The following SYNPO2 variants were observed in gnomAD, a reference collection of about 807,000 sequenced individuals.
SYNPO2 encodes the protein synaptopodin 2.
A neutral mutation model predicts 85.0 loss-of-function variants in SYNPO2; 56 were observed. The ratio of observed to expected loss-of-function variants is 0.66; its 90% CI spans 0.53 to 0.82. SYNPO2 has a LOEUF of 0.82. SYNPO2 is among the 40% of genes least tolerant of loss of function. SYNPO2 has a pLI of 0.00. For missense variants in SYNPO2, 1,575 were observed against 1,534.2 expected (o/e 1.03, Z -0.44); for synonymous variants, 602 against 591.1 (o/e 1.02, Z -0.27).
intron 1 of SYNPO2, among the ~76,000 whole-genome samples, chr4:118,937,317 C>G (rs113814147): frequency 5.3e-5 from 8 of 152,086 alleles, no homozygotes; most frequent in Admixed American, 5.2e-4. Context: ...TGCCTTGGGA[C>G]CTCTGCACAT....
At chr4:119,052,828 C>T (rs184477109) in intron 4 of SYNPO2, among the ~76,000 whole-genome samples, 140 of 152,242 alleles carry the variant, frequency 9.2e-4, no homozygotes, top group African/African-American at 3.2e-3. Flanking sequence ...CAAAATGTCC[C>T]AGGATCTGCT....
chr4:118,926,397 A>C (rs1733712856), intron 1 of SYNPO2, among the ~76,000 whole-genome samples: 1 of 152,200 alleles, frequency 6.6e-6, no homozygotes, highest in South Asian at 2.1e-4. Flanking sequence ...AAAGATGTGA[A>C]TTATGACAGC....
intron 1 of SYNPO2, among the ~76,000 whole-genome samples, chr4:118,865,680 T>C (rs1382919766): frequency 6.6e-6 from 1 of 152,178 alleles, no homozygotes; most frequent in Non-Finnish European, 1.5e-5. Flanking sequence ...TTGACTACTC[T>C]TTCAAAACTT....
chr4:119,039,934 G>A (rs1738656066), intron 4 of SYNPO2, among the ~76,000 whole-genome samples: 1 of 152,208 alleles, frequency 6.6e-6, no homozygotes, highest in South Asian at 2.1e-4. Flanking sequence ...GATTAAGAGT[G>A]TGGGCTCTAG....
rs77126210 is a variant in SYNPO2 at position 119,036,038 on chromosome 4, T to C, written c.3252+4011T>C. On this transcript the variant is annotated intron_variant, in intron 4 of 4. Coordinates refer to ENST00000307142, the MANE Select transcript of SYNPO2 (RefSeq NM_133477.3). ...CTGCGTTTAGATTTAATTTCTCAAATAAAGGCCCTTGGCTGCGTATCATTT... is the reference window on the plus strand; with the variant it reads ...CTGCGTTTAGATTTAATTTCTCAAACAAAGGCCCTTGGCTGCGTATCATTT... 3.4e-4 allele frequency: 333 copies of C among 985,354 alleles called. No individual in the cohort carries two copies. The African/African-American group carries it at 5.3e-3, about 16-fold the overall frequency. 61.0% of individuals were successfully genotyped at this position (985,354 alleles called of 1,614,324 possible).
chr4:118,945,871 G>A (rs909465953), intron 1 of SYNPO2, among the ~76,000 whole-genome samples: 1 of 151,820 alleles, frequency 6.6e-6, no homozygotes, highest in Non-Finnish European at 1.5e-5. Context: ...TCAGCCTCCC[G>A]AGTAGCTAGG....
intron 1 of SYNPO2, among the ~76,000 whole-genome samples, chr4:118,896,160 T>C (rs1197221009): frequency 2.0e-5 from 3 of 152,208 alleles, no homozygotes; most frequent in Non-Finnish European, 4.4e-5. Context: ...CTTAGTATTG[T>C]TGAAAATTGC....
intron 3 of SYNPO2, among the ~76,000 whole-genome samples, chr4:119,028,222 G>GTT (rs11317450): frequency 1.2e-3 from 163 of 135,464 alleles, no homozygotes; most frequent in East Asian, 4.7e-3. Context: ...ATTTTTGTTT[G>GTT]TTTTTTTTTT....
rs1017014495 is a variant in SYNPO2, at chr4:119,026,983, A to C, written c.614A>C (p.Gln205Pro). The C allele has an allele frequency of 1.2e-6, 2 of 1,614,188 alleles. No individual in the cohort carries two copies. The highest frequency in any genetic ancestry group is 1.7e-5 in the Admixed American group (1 of 60,022). ...PVVELQLSLS[Q>P]ERHKGASGPL... ...GTTGAGCTGCAACTGTCCCTTTCAC[A>C]GGAGAGACATAAGGGCGCTAGTGGC... Residue 205 changes from glutamine to proline, a missense_variant, in exon 3 of 5, where the codon CAG becomes CCG. Transcript: ENST00000307142.
At chr4:118,967,698 C>G (rs996436914) in intron 1 of SYNPO2, among the ~76,000 whole-genome samples, 7 of 152,176 alleles carry the variant, frequency 4.6e-5, no homozygotes, top group Admixed American at 3.3e-4. Flanking sequence ...TTCCCCTATG[C>G]TTTTGGCATG....
intron 1 of SYNPO2, among the ~76,000 whole-genome samples, chr4:118,919,684 G>T (rs2149127731): frequency 6.6e-6 from 1 of 152,328 alleles, no homozygotes; most frequent in East Asian, 1.9e-4. Flanking sequence ...AAGTTTTCTA[G>T]AAGGTGGAAT....
intron 1 of SYNPO2, among the ~76,000 whole-genome samples, chr4:118,851,553 A>G (rs1731420463): frequency 1.3e-5 from 2 of 152,356 alleles, no homozygotes; most frequent in African/African-American, 4.8e-5. Flanking sequence ...TTGCTTATAT[A>G]AGATATAGCT....
rs1732268219 is a variant in SYNPO2 at position 118,888,900 on chromosome 4, T to C, written c.-137T>C. 1.2e-6 allele frequency: 1 copy of C among 852,628 alleles called. No individual in the cohort carries two copies. The highest frequency in any genetic ancestry group is 1.9e-6 in the Non-Finnish European group (1 of 532,242). The allele number at this position is 852,628 out of a possible 1,614,324, so 52.8% of individuals were successfully genotyped here. ...CTGGGGCGGCGGCTGGGGCAGCGGC[T>C]GCAGCAGCGGCGGACGCTCTGCATT... On this transcript the variant is annotated 5_prime_UTR_variant, in exon 1 of 5. Transcript: ENST00000307142.
intron 1 of SYNPO2, among the ~76,000 whole-genome samples, chr4:118,982,100 T>A (rs554373219): frequency 6.6e-6 from 1 of 152,174 alleles, no homozygotes; most frequent in South Asian, 2.1e-4. Flanking sequence ...AGAACATACT[T>A]CCAGGGAGTC....
At chr4:118,980,616 T>C (rs569370938) in intron 1 of SYNPO2, among the ~76,000 whole-genome samples, 73 of 152,050 alleles carry the variant, frequency 4.8e-4, no homozygotes, top group African/African-American at 1.8e-3. Flanking sequence ...CACTTACAAT[T>C]TGAAAAAAAA....
chr4:118,881,881 C>A (rs1396986900), intron 1 of SYNPO2, among the ~76,000 whole-genome samples: 1 of 152,230 alleles, frequency 6.6e-6, no homozygotes, highest in Non-Finnish European at 1.5e-5. Flanking sequence ...CACAAGTATT[C>A]CAGTTGCATC....
At chr4:118,904,751 T>C (rs1456097913) in intron 1 of SYNPO2, among the ~76,000 whole-genome samples, 2 of 152,136 alleles carry the variant, frequency 1.3e-5, no homozygotes, top group Admixed American at 6.6e-5. Context: ...TTTCAAACAG[T>C]GGTGAGTTAT....
intron 1 of SYNPO2, among the ~76,000 whole-genome samples, chr4:118,851,809 G>C (rs911200458): frequency 1.3e-5 from 2 of 152,078 alleles, no homozygotes; most frequent in South Asian, 4.1e-4. Context: ...AATCTATTGT[G>C]ATGTACCATT....
At chr4:118,923,888 CAAAA>C (rs35102295) in intron 1 of SYNPO2, among the ~76,000 whole-genome samples, 6 of 128,826 alleles carry the variant, frequency 4.7e-5, no homozygotes, top group Non-Finnish European at 8.4e-5. Context: ...AGACTGCACT[CAAAA>C]AAAAAAAAAA....
Sources: allele counts gnomAD v4.1 joint callset (sites outside exome capture counted in the v4.1 genomes callset), GRCh38; gene constraint gnomAD v4.1.1; transcripts MANE v1.5; gene names NCBI Gene and HGNC (gene_info 2026-07-23, HGNC 2026-07-21).